RAB40B: variants seen among roughly 807,000 people sequenced by gnomAD.
RAB40B encodes the protein RAB40B, member RAS oncogene family.
A neutral mutation model predicts 24.0 loss-of-function variants in RAB40B; 21 were observed. That is an observed-to-expected ratio of 0.88 (90% confidence interval 0.62 to 1.26). The LOEUF is 1.26. Ranked by LOEUF, RAB40B falls within the 50% of genes most tolerant of loss-of-function variation. RAB40B has a pLI of 0.00. For synonymous variants in RAB40B, 167 were observed against 169.8 expected, an observed-to-expected ratio of 0.98 and a Z score of 0.13; for missense variants, 348 against 390.5, an observed-to-expected ratio of 0.89 and a Z score of 0.92.
intron 1 of RAB40B, among the ~76,000 whole-genome samples, chr17:82,694,895 A>T (rs186865528): frequency 5.3e-5 from 8 of 151,894 alleles, no homozygotes; most frequent in African/African-American, 1.9e-4. Context: ...ACAAAAAAAC[A>T]CTCAGGAAAT....
chr17:82,665,635 G>A (rs574889486), intron 1 of RAB40B, among the ~76,000 whole-genome samples: 47 of 152,258 alleles, frequency 3.1e-4, no homozygotes, highest in Middle Eastern at 6.8e-3. Flanking sequence ...GGGAGGCTGA[G>A]GCGGGTGGAT....
intron 1 of RAB40B, among the ~76,000 whole-genome samples, chr17:82,665,818 G>A (rs531014983): frequency 2.0e-5 from 3 of 151,322 alleles, no homozygotes; most frequent in Non-Finnish European, 4.4e-5. Flanking sequence ...AGTGAACTGA[G>A]ATTGTGCCAC....
intron 3 of RAB40B, among the ~76,000 whole-genome samples, chr17:82,659,987 G>T (rs971816384): frequency 6.6e-6 from 1 of 152,270 alleles, no homozygotes; most frequent in Non-Finnish European, 1.5e-5. Flanking sequence ...ACGCATACAC[G>T]TGCACATACA....
In RAB40B at chr17:82,656,112, C is replaced by G. The variant is rs2046084740; in HGVS notation, c.*1751G>C. Reference sequence around the variant, plus strand: ...TACAGGTGTGCGCTGCCATGCCAAGCCAATTTTTGTAATTTTATTAGAGAC... The same window carrying G: ...TACAGGTGTGCGCTGCCATGCCAAGGCAATTTTTGTAATTTTATTAGAGAC... On this transcript the variant is annotated 3_prime_UTR_variant, in exon 6 of 6. Coordinates refer to ENST00000571995, the MANE Select transcript of RAB40B (RefSeq NM_006822.3). The G allele has an allele frequency of 6.6e-6, 1 of 152,060 alleles. No homozygotes were observed. The highest frequency in any genetic ancestry group is 2.4e-5 in the African/African-American group (1 of 41,392). 9.4% of individuals were successfully genotyped at this position (152,060 alleles called of 1,614,324 possible).
intron 1 of RAB40B, among the ~76,000 whole-genome samples, chr17:82,686,135 C>T (rs1298953828): frequency 1.1e-3 from 144 of 127,476 alleles, no homozygotes; most frequent in African/African-American, 4.1e-3. Flanking sequence ...GACAAAGTCT[C>T]ACTCTGTCAT....
chr17:82,673,478 T>A (rs2046361116), intron 1 of RAB40B, among the ~76,000 whole-genome samples: 1 of 152,072 alleles, frequency 6.6e-6, no homozygotes, highest in Admixed American at 6.6e-5. Flanking sequence ...ACTCCTCTTT[T>A]CAATTCCTGA....
At chr17:82,659,201 G>A (rs1598292444) in intron 4 of RAB40B, 11 of 294,666 alleles carry the variant, frequency 3.7e-5, no homozygotes, top group South Asian at 1.7e-4. Context: ...GCTTAGTGTC[G>A]ACCACGCCAT....
rs555997566 is a variant in RAB40B, at chr17:82,656,115, ATTT to A, written c.*1745_*1747del. Reference sequence around the variant, plus strand: ...AGGTGTGCGCTGCCATGCCAAGCCAATTTTTGTAATTTTATTAGAGACGGGGTT... The same window carrying A: ...AGGTGTGCGCTGCCATGCCAAGCCAATTGTAATTTTATTAGAGACGGGGTT... On this transcript the variant is annotated 3_prime_UTR_variant, in exon 6 of 6. Transcript: ENST00000571995. The A allele has an allele frequency of 7.2e-5, 11 of 151,826 alleles. No individual in the cohort carries two copies. The South Asian group carries it at 2.3e-3, about 32-fold the overall frequency. The allele number at this position is 151,826 out of a possible 1,614,324, so 9.4% of individuals were successfully genotyped here. A position where few individuals can be genotyped will look rare whatever the true frequency, so the allele number is the denominator to read the frequency against.
At chr17:82,686,063 A>C (rs2046497227) in intron 1 of RAB40B, among the ~76,000 whole-genome samples, 1 of 149,860 alleles carries the variant, frequency 6.7e-6, no homozygotes, top group Non-Finnish European at 1.5e-5. Flanking sequence ...TGGCCTCCCA[A>C]AGTGCTGGGA....
At chr17:82,686,415 G>A (rs2046502713) in intron 1 of RAB40B, among the ~76,000 whole-genome samples, 2 of 152,084 alleles carry the variant, frequency 1.3e-5, no homozygotes, top group African/African-American at 2.4e-5. Flanking sequence ...CCCGGCCAAG[G>A]GTCTTTTCAG....
chr17:82,659,285 G>A (rs996427081), intron 4 of RAB40B: 8 of 416,474 alleles, frequency 1.9e-5, no homozygotes, highest in East Asian at 4.7e-5. Context: ...AGCCCAGCCC[G>A]ACCACAGCAG....
At chr17:82,664,809 G>C (rs2046234051) in intron 1 of RAB40B, 1 of 443,558 alleles carries the variant, frequency 2.3e-6, no homozygotes, top group Non-Finnish European at 4.1e-6. Context: ...TGGCCCAGGG[G>C]GCTCCCCGAC....
At chr17:82,662,448 G>A (rs1057075595) in intron 2 of RAB40B, 8 of 985,420 alleles carry the variant, frequency 8.1e-6, no homozygotes, top group African/African-American at 3.5e-5. Context: ...CTGGGACAAC[G>A]TGCCGGCCTC....
Position 82,659,860 on chromosome 17 carries a change from C to T in RAB40B, c.265-203G>A, listed in dbSNP as rs113065566. 1,078 of 553,606 alleles carry T rather than the reference C, an allele frequency of 1.9e-3. 12 individuals are homozygous for T. The highest frequency in any genetic ancestry group is 0.018 in the African/African-American group (927 of 52,832). 34.3% of individuals were successfully genotyped at this position (553,606 alleles called of 1,614,324 possible). A position where few individuals can be genotyped will look rare whatever the true frequency, so the allele number is the denominator to read the frequency against. On this transcript the variant is annotated intron_variant, in intron 3 of 5. Coordinates refer to ENST00000571995, the MANE Select transcript of RAB40B (RefSeq NM_006822.3). ...CTCAGTGATAAACCCTCAAATGTCA[C>T]GGTGATCTGGGGACTAGAACTCACA...
Position 82,690,397 on chromosome 17 carries a change from T to A in RAB40B, c.142+8058A>T, listed in dbSNP as rs576054161. On this transcript the variant is annotated intron_variant, in intron 1 of 5. Transcript: ENST00000571995. ...GCAGAATTGGAAGGAGCATGGAGTGTGCACATGTGTTCTCAGGGAGCAGAG... is the reference window on the plus strand; with the variant it reads ...GCAGAATTGGAAGGAGCATGGAGTGAGCACATGTGTTCTCAGGGAGCAGAG... Among the ~76,000 whole-genome samples, 3 of 133,368 alleles carry A rather than the reference T, an allele frequency of 2.2e-5. No homozygotes were observed. In the South Asian group the frequency reaches 7.1e-4, roughly 32 times the overall value. 87.5% of individuals were successfully genotyped at this position (133,368 alleles called of 152,430 possible).
chr17:82,682,498 A>G (rs917180610), intron 1 of RAB40B, among the ~76,000 whole-genome samples: 7 of 152,220 alleles, frequency 4.6e-5, no homozygotes, highest in African/African-American at 7.2e-5. Flanking sequence ...CAATTGATCT[A>G]TAGTTTTAGT....
At chr17:82,662,971 G>A (rs765395569) in intron 2 of RAB40B, among the ~76,000 whole-genome samples, 1 of 152,054 alleles carries the variant, frequency 6.6e-6, no homozygotes, top group Non-Finnish European at 1.5e-5. Flanking sequence ...GAGTGGTCTC[G>A]GGGAGGGAGG....
rs149834536 is a variant in RAB40B, at chr17:82,670,880, G to A, written c.143-6324C>T. Reference sequence around the variant, plus strand: ...CCTACGAGTTTCAAAACCATCTTTCGTTTCTGTTTTCATGGAGTCATGGAT... The same window carrying A: ...CCTACGAGTTTCAAAACCATCTTTCATTTCTGTTTTCATGGAGTCATGGAT... On this transcript the variant is annotated intron_variant, in intron 1 of 5. Coordinates refer to ENST00000571995, the MANE Select transcript of RAB40B (RefSeq NM_006822.3). Among the ~76,000 whole-genome samples, 676 of 152,056 alleles carry A rather than the reference G, an allele frequency of 4.4e-3. 3 individuals carry two copies. The highest frequency in any genetic ancestry group is 7.6e-3 in the Non-Finnish European group (515 of 67,986).
intron 1 of RAB40B, among the ~76,000 whole-genome samples, chr17:82,676,006 T>C (rs922174670): frequency 6.6e-6 from 1 of 152,062 alleles, no homozygotes; most frequent in African/African-American, 2.4e-5. Flanking sequence ...ACAGGGCTGG[T>C]AAAGCACAGA....
Sources: gnomAD v4.1 joint callset for allele counts (sites outside exome capture counted in the v4.1 genomes callset) on GRCh38, gnomAD v4.1.1 for gene constraint, MANE v1.5 for transcripts, NCBI Gene and HGNC (gene_info 2026-07-23, HGNC 2026-07-21) for gene names.